LRP1B: variants seen among roughly 807,000 people sequenced by gnomAD.
LRP1B encodes the protein LDL receptor related protein 1B, also known as low-density lipoprotein receptor-related protein 1B.
LRP1B carries 217 observed loss-of-function variants against 556.6 expected under a neutral mutation model. The observed-to-expected ratio is 0.39, with a 90% CI of 0.35 to 0.44. The LOEUF (loss-of-function observed/expected upper bound fraction) is 0.44. LRP1B is among the 20% of genes least tolerant of loss of function. The pLI is 1.00. For missense variants in LRP1B, 5,053 were observed against 5,620.8 expected (o/e 0.90, Z 3.23); for synonymous variants, 2,047 against 1,865.8 (o/e 1.10, Z -2.50).
intron 35 of LRP1B, among the ~76,000 whole-genome samples, chr2:140,726,611 C>T (rs1294244260): frequency 3.3e-5 from 5 of 152,072 alleles, no homozygotes; most frequent in Non-Finnish European, 7.4e-5. Flanking sequence ...TGGCATGTGA[C>T]AAATATATGT....
At chr2:140,558,081 C>T (rs778103315) in intron 43 of LRP1B, among the ~76,000 whole-genome samples, 14 of 152,200 alleles carry the variant, frequency 9.2e-5, no homozygotes, top group East Asian at 1.9e-4. Context: ...TCACCTCACA[C>T]GTGTTAAGAT....
At chr2:141,676,942 A>C (rs1690906499) in intron 2 of LRP1B, among the ~76,000 whole-genome samples, 1 of 152,148 alleles carries the variant, frequency 6.6e-6, no homozygotes, top group Non-Finnish European at 1.5e-5. Context: ...TAGAGATATG[A>C]GTTCTGTTTT....
chr2:142,083,755 C>A (rs1448380871), intron 1 of LRP1B, among the ~76,000 whole-genome samples: 1 of 152,136 alleles, frequency 6.6e-6, no homozygotes, highest in Admixed American at 6.5e-5. Context: ...TTTTGCTAGA[C>A]TGTACATTAA....
chr2:142,082,177 A>G (rs1705743292), intron 1 of LRP1B, among the ~76,000 whole-genome samples: 1 of 152,208 alleles, frequency 6.6e-6, no homozygotes, highest in Admixed American at 6.5e-5. Flanking sequence ...ATTGAAGAAA[A>G]TAAATGAGAT....
chr2:142,014,914 AAAACT>A (rs1225758195), intron 1 of LRP1B, among the ~76,000 whole-genome samples: 2 of 152,218 alleles, frequency 1.3e-5, no homozygotes, highest in Admixed American at 6.5e-5. Flanking sequence ...AAAACAAAAC[AAAACT>A]AAACTAAAGA....
intron 66 of LRP1B, among the ~76,000 whole-genome samples, chr2:140,413,897 T>C (rs957287175): frequency 6.6e-6 from 1 of 152,286 alleles, no homozygotes; most frequent in Middle Eastern, 3.4e-3. Context: ...TTCATATCTT[T>C]TTTTCCAGAA....
At chr2:141,606,069 G>A (rs150769663) in intron 2 of LRP1B, among the ~76,000 whole-genome samples, 154 of 152,112 alleles carry the variant, frequency 1.0e-3, no homozygotes, top group East Asian at 7.0e-3. Context: ...ATACACGTCC[G>A]TGCTAGACAA....
chr2:141,344,570 C>T (rs1289840069), intron 3 of LRP1B, among the ~76,000 whole-genome samples: 3 of 152,086 alleles, frequency 2.0e-5, no homozygotes, highest in Non-Finnish European at 2.9e-5. Flanking sequence ...ATCTGACATT[C>T]TTTATTCTTC....
At chr2:141,316,731 G>A (rs143546277) in intron 3 of LRP1B, among the ~76,000 whole-genome samples, 3 of 152,350 alleles carry the variant, frequency 2.0e-5, no homozygotes, top group Non-Finnish European at 4.4e-5. Flanking sequence ...GAATCTGCAC[G>A]CTGACTCGCA....
chr2:141,228,477 T>G (rs1258715662), intron 6 of LRP1B, among the ~76,000 whole-genome samples: 4 of 149,190 alleles, frequency 2.7e-5, no homozygotes, highest in African/African-American at 9.9e-5. Context: ...TGTGTGCATC[T>G]CTGGGTGTGT....
In LRP1B at chr2:140,304,690, T is replaced by A. The variant is rs138222639; in HGVS notation, c.12806-6721A>T. On this transcript the variant is annotated intron_variant, in intron 83 of 90. Transcript: ENST00000389484. Reference sequence around the variant, plus strand: ...TCCCGTTTGTCAATTCTGGCTTTTGTTGCCATTGCTTTTGGTGTTTTAGAC... The same window carrying A: ...TCCCGTTTGTCAATTCTGGCTTTTGATGCCATTGCTTTTGGTGTTTTAGAC... 4.9e-4 allele frequency among the ~76,000 whole-genome samples: 75 copies of A among 152,318 alleles called. 1 individual carries two copies. The East Asian group carries it at 0.012, about 25-fold the overall frequency.
intron 2 of LRP1B, among the ~76,000 whole-genome samples, chr2:141,623,981 C>A (rs1164622662): frequency 8.1e-6 from 1 of 124,170 alleles, no homozygotes; most frequent in African/African-American, 3.0e-5. Flanking sequence ...CACCACCGCA[C>A]TCTAGTTCTG....
chr2:141,844,635 T>A (rs775710017), intron 1 of LRP1B, among the ~76,000 whole-genome samples: 16 of 152,074 alleles, frequency 1.1e-4, no homozygotes, highest in Admixed American at 2.6e-4. Flanking sequence ...CAAATTACAA[T>A]GGGCATGATA....
At chr2:141,515,186 C>T (rs913970185) in intron 2 of LRP1B, among the ~76,000 whole-genome samples, 1 of 152,002 alleles carries the variant, frequency 6.6e-6, no homozygotes, top group Non-Finnish European at 1.5e-5. Context: ...CCTGTAATCC[C>T]AGCTACTCAG....
intron 7 of LRP1B, among the ~76,000 whole-genome samples, chr2:141,119,030 A>G (rs1022755002): frequency 4.6e-5 from 7 of 151,958 alleles, no homozygotes; most frequent in African/African-American, 1.7e-4. Flanking sequence ...CAGGCGGTTA[A>G]TTTGCACTAA....
chr2:141,488,300 A>C (rs1683190991), intron 2 of LRP1B, among the ~76,000 whole-genome samples: 1 of 152,156 alleles, frequency 6.6e-6, no homozygotes, highest in Non-Finnish European at 1.5e-5. Flanking sequence ...GCTATCACCA[A>C]ATTTGATATG....
At chr2:140,759,667 C>A (rs1480366644) in intron 35 of LRP1B, among the ~76,000 whole-genome samples, 1 of 152,130 alleles carries the variant, frequency 6.6e-6, no homozygotes, top group Non-Finnish European at 1.5e-5. Flanking sequence ...TTGGAGCACC[C>A]TTTGTGGCCA....
At chr2:141,038,157 A>T (rs1436713173) in intron 11 of LRP1B, among the ~76,000 whole-genome samples, 1 of 151,976 alleles carries the variant, frequency 6.6e-6, no homozygotes, top group African/African-American at 2.4e-5. Context: ...AAATCTAGCA[A>T]GCTGGGAGGG....
intron 1 of LRP1B, among the ~76,000 whole-genome samples, chr2:141,999,387 TATA>T (rs376264392): frequency 2.0e-3 from 310 of 152,234 alleles, no homozygotes; most frequent in African/African-American, 7.2e-3. Context: ...ATAAATACCT[TATA>T]ATAATATGTA....
Sources: allele counts gnomAD v4.1 joint callset (sites outside exome capture counted in the v4.1 genomes callset), GRCh38; gene constraint gnomAD v4.1.1; transcripts MANE v1.5; gene names NCBI Gene and HGNC (gene_info 2026-07-23, HGNC 2026-07-21).